MAD1L1: variants seen among roughly 807,000 people sequenced by gnomAD.
MAD1L1 encodes the protein mitotic arrest deficient 1 like 1.
Under a neutral mutation model 96.9 loss-of-function variants are expected in MAD1L1, and 95 were observed. The ratio of observed to expected loss-of-function variants is 0.98; its 90% CI spans 0.83 to 1.16. The LOEUF (loss-of-function observed/expected upper bound fraction) is 1.16. Among genes scored for constraint, MAD1L1 ranks in the 50% most tolerant of loss-of-function variants. The pLI is 0.00. For synonymous variants in MAD1L1, 473 were observed against 396.6 expected, an observed-to-expected ratio of 1.19 and a Z score of -2.29; for missense variants, 1,007 against 954.4, an observed-to-expected ratio of 1.06 and a Z score of -0.73.
At chr7:2,190,524 G>A (rs1340214172) in intron 10 of MAD1L1, among the ~76,000 whole-genome samples, 2 of 152,114 alleles carry the variant, frequency 1.3e-5, no homozygotes, top group Admixed American at 1.3e-4. Context: ...AAATGAAAAG[G>A]AAGCCACGTA....
chr7:2,005,687 G>A (rs377303074), intron 13 of MAD1L1, among the ~76,000 whole-genome samples: 1 of 152,132 alleles, frequency 6.6e-6, no homozygotes, highest in Non-Finnish European at 1.5e-5. Context: ...TGTGGTCCCA[G>A]CTACTCAGGG....
intron 10 of MAD1L1, chr7:2,201,727 C>T (rs1391414465): frequency 6.6e-6 from 1 of 152,306 alleles, no homozygotes; most frequent in Non-Finnish European, 1.5e-5. Flanking sequence ...TGCAGTCAGG[C>T]ACATGCAGGG....
At chr7:1,900,962 C>G (rs1787205282) in intron 17 of MAD1L1, among the ~76,000 whole-genome samples, 1 of 152,090 alleles carries the variant, frequency 6.6e-6, no homozygotes, top group South Asian at 2.1e-4. Flanking sequence ...ACCCATGCGG[C>G]TGGGAGCAGC....
chr7:2,205,858 G>A lies in MAD1L1; in HGVS notation c.986+7354C>T, dbSNP rs972809478. On this transcript the variant is annotated intron_variant, in intron 10 of 18. Coordinates refer to ENST00000265854, the MANE Select transcript of MAD1L1 (RefSeq NM_001013836.2). ...AAAGTATCTGTTAAAAGCAGGCCGG[G>A]TACAGTGGCTCACACCTGTAATCCC... 3.3e-5 allele frequency among the ~76,000 whole-genome samples: 5 copies of A among 152,328 alleles called. No individual in the cohort carries two copies. The South Asian group carries it at 1.0e-3, about 32-fold the overall frequency.
At chr7:1,896,828 G>A (rs1024702940) in intron 18 of MAD1L1, among the ~76,000 whole-genome samples, 42 of 152,234 alleles carry the variant, frequency 2.8e-4, no homozygotes, top group African/African-American at 9.9e-4. Flanking sequence ...TGTAACGAGT[G>A]ATATGTTAAG....
intron 16 of MAD1L1, among the ~76,000 whole-genome samples, chr7:1,948,382 A>T (rs577823144): frequency 1.7e-3 from 256 of 152,232 alleles, no homozygotes; most frequent in African/African-American, 5.7e-3. Flanking sequence ...CCAGAGGCTA[A>T]GCGAGGGTTC....
rs148467168 is a variant in MAD1L1 at position 1,992,787 on chromosome 7, T to C, written c.1416+9278A>G. Among the ~76,000 whole-genome samples the C allele has an allele frequency of 4.7e-3, 709 of 151,874 alleles. 7 individuals carry two copies. Among genetic ancestry groups the C allele is most frequent in the African/African-American group, 0.016 (655 of 41,414 alleles). On this transcript the variant is annotated intron_variant, in intron 14 of 18. Transcript: ENST00000265854. ...AAAGTCCCAGTGTCTCCAGGACAGG[T>C]GGATGTGAGGATGGCATGGGCTCTA...
rs1289680273 is a variant in MAD1L1 at position 1,817,673 on chromosome 7, T to C, written c.1999-1445A>G. On this transcript the variant is annotated intron_variant, in intron 18 of 18. Coordinates refer to ENST00000265854, the MANE Select transcript of MAD1L1 (RefSeq NM_001013836.2). ...GAATGTGCCGGGAGGAACGGAACGG[T>C]AGACTAATGGAGCGCTAGACGTGAG... 2.6e-5 allele frequency among the ~76,000 whole-genome samples: 4 copies of C among 152,086 alleles called. No homozygotes were observed. The East Asian group carries it at 7.7e-4, about 29-fold the overall frequency.
intron 15 of MAD1L1, among the ~76,000 whole-genome samples, chr7:1,972,907 C>T (rs373383711): frequency 1.3e-5 from 2 of 152,194 alleles, no homozygotes; most frequent in African/African-American, 2.4e-5. Context: ...CCTCCTCCCC[C>T]ACACGGGCAA....
chr7:1,898,282 T>G lies in MAD1L1; in HGVS notation c.1916A>C (p.Tyr639Ser). 6.2e-7 allele frequency: 1 copy of G among 1,614,132 alleles called. No individual in the cohort carries two copies. Residue 639 changes from tyrosine to serine, a missense_variant, in exon 18 of 19, where the codon TAC becomes TCC. Transcript: ENST00000265854. The part of the protein sequence containing the change: ...FRKACYTLTG[Y>S]QIDITTENQY... The stretch of plus-strand genomic sequence containing the variant: ...GTTCTCCGTGGTGATGTCGATCTGG[T>G]AGCCGGTGAGCGTGTAGCAGGCCTT...
chr7:2,083,426 T>C (rs1045663001), intron 11 of MAD1L1, among the ~76,000 whole-genome samples: 12 of 152,208 alleles, frequency 7.9e-5, no homozygotes, highest in African/African-American at 2.7e-4. Context: ...GGTTAGTGCT[T>C]GTTGGAATCA....
At chr7:2,127,164 G>A (rs1788271886) in intron 11 of MAD1L1, among the ~76,000 whole-genome samples, 1 of 152,240 alleles carries the variant, frequency 6.6e-6, no homozygotes, top group South Asian at 2.1e-4. Flanking sequence ...CCAGAAGAGA[G>A]GTGCTCAGGG....
At chr7:2,127,691 G>C (rs941250984) in intron 11 of MAD1L1, among the ~76,000 whole-genome samples, 2 of 152,088 alleles carry the variant, frequency 1.3e-5, no homozygotes, top group Non-Finnish European at 1.5e-5. Context: ...CGGAGAGGAG[G>C]AACCCGCAGG....
chr7:1,903,852 T>C (rs1787435480), intron 17 of MAD1L1, among the ~76,000 whole-genome samples: 1 of 142,398 alleles, frequency 7.0e-6, no homozygotes, highest in Non-Finnish European at 1.5e-5. Flanking sequence ...CAAGCACTGT[T>C]CCAGGCAGCG....
chr7:1,929,852 A>G (rs371859257), intron 17 of MAD1L1, among the ~76,000 whole-genome samples: 49 of 76 alleles, frequency 0.64, 19 homozygotes, highest in East Asian at 1. Context: ...ACGTCCCCTC[A>G]TCCCGTCCCC....
chr7:2,209,681 C>CCCA (rs1294446706), intron 10 of MAD1L1, among the ~76,000 whole-genome samples: 1 of 152,198 alleles, frequency 6.6e-6, no homozygotes, highest in African/African-American at 2.4e-5. Context: ...CTCCTCCACA[C>CCCA]CCACGGGGCC....
At chr7:1,990,104 A>T (rs758660838) in intron 14 of MAD1L1, among the ~76,000 whole-genome samples, 10 of 152,232 alleles carry the variant, frequency 6.6e-5, no homozygotes, top group Non-Finnish European at 1.2e-4. Context: ...GGGCGTCCAC[A>T]TGCGCGTGCA....
intron 11 of MAD1L1, among the ~76,000 whole-genome samples, chr7:2,112,847 C>T (rs1363154502): frequency 1.3e-5 from 2 of 150,356 alleles, no homozygotes; most frequent in Non-Finnish European, 2.9e-5. Flanking sequence ...GAGCATCCTG[C>T]AGTGCCAGAT....
At chr7:2,061,218 T>A (rs570474206) in intron 12 of MAD1L1, among the ~76,000 whole-genome samples, 8 of 152,272 alleles carry the variant, frequency 5.3e-5, no homozygotes, top group African/African-American at 1.9e-4. Flanking sequence ...GTGCCTGTAG[T>A]CCCAGCTACT....
Sources: gnomAD v4.1 joint callset for allele counts (sites outside exome capture counted in the v4.1 genomes callset) on GRCh38, gnomAD v4.1.1 for gene constraint, MANE v1.5 for transcripts, NCBI Gene and HGNC (gene_info 2026-07-23, HGNC 2026-07-21) for gene names.